Variants in MYT1L observed in about 807,000 individuals in gnomAD.
MYT1L encodes the protein myelin transcription factor 1 like, also known as myelin transcription factor 1-like protein.
Under a neutral mutation model 126.7 loss-of-function variants are expected in MYT1L, and 12 were observed. The ratio of observed to expected loss-of-function variants is 0.09; its 90% confidence interval spans 0.06 to 0.15. MYT1L has a LOEUF of 0.15. MYT1L is among the 10% of genes least tolerant of loss of function. The probability of loss-of-function intolerance (pLI) is 1.00; values close to 1 mark genes in which losing one functional copy is unlikely to be tolerated. For missense variants in MYT1L, 979 were observed against 1,585.2 expected (o/e 0.62, Z 6.49); for synonymous variants, 541 against 604.2 (o/e 0.90, Z 1.53).
At chr2:2,039,549 T>C (rs1357031689) in intron 4 of MYT1L, among the ~76,000 whole-genome samples, 1 of 152,204 alleles carries the variant, frequency 6.6e-6, no homozygotes, top group South Asian at 2.1e-4. Context: ...GGTGAATTTA[T>C]GAAGGTGAAA....
chr2:2,289,082 G>A (rs866670033), intron 1 of MYT1L, among the ~76,000 whole-genome samples: 1 of 152,126 alleles, frequency 6.6e-6, no homozygotes, highest in Non-Finnish European at 1.5e-5. Flanking sequence ...ACCAAACGGA[G>A]CCCACGATGA....
At chr2:2,265,618 A>C (rs1263795483) in intron 2 of MYT1L, among the ~76,000 whole-genome samples, 1 of 152,064 alleles carries the variant, frequency 6.6e-6, no homozygotes, top group Non-Finnish European at 1.5e-5. Context: ...CATGGGAAGA[A>C]CTTCATTGTT....
intron 1 of MYT1L, among the ~76,000 whole-genome samples, chr2:2,296,711 C>A (rs919068234): frequency 2.0e-5 from 3 of 152,170 alleles, no homozygotes; most frequent in Non-Finnish European, 4.4e-5. Context: ...ACGGGTGCCA[C>A]CTCCTGCTGC....
chr2:2,221,267 G>T (rs568399143), intron 2 of MYT1L, among the ~76,000 whole-genome samples: 4 of 152,246 alleles, frequency 2.6e-5, no homozygotes, highest in African/African-American at 9.6e-5. Context: ...CATAGATTTA[G>T]TCTGGGCACC....
At chr2:2,213,802 A>C (rs1227715024) in intron 2 of MYT1L, among the ~76,000 whole-genome samples, 1 of 152,190 alleles carries the variant, frequency 6.6e-6, no homozygotes, top group Non-Finnish European at 1.5e-5. Flanking sequence ...TAAAATTTAC[A>C]ATGTCTGGGA....
In MYT1L at chr2:2,074,384, G is replaced by A. The variant is rs117913132; in HGVS notation, c.-303-20261C>T. ...GGCTGCCTTAACACATCCACTGTGA[G>A]TCTGAGCTTAGTGTGACACACATTA... On this transcript the variant is annotated intron_variant, in intron 3 of 24. Coordinates refer to ENST00000647738, the MANE Select transcript of MYT1L (RefSeq NM_001303052.2). 1.3e-3 allele frequency among the ~76,000 whole-genome samples: 202 copies of A among 152,320 alleles called. 4 individuals are homozygous for A. The East Asian group carries it at 0.03, about 23-fold the overall frequency.
intron 4 of MYT1L, among the ~76,000 whole-genome samples, chr2:2,004,001 GCA>G (rs2062734172): frequency 7.3e-6 from 1 of 136,454 alleles, no homozygotes; most frequent in South Asian, 2.2e-4. Flanking sequence ...GTTCTTTCCT[GCA>G]TGCCTTCTTT....
At chr2:2,012,369 G>A (rs1054333218) in intron 4 of MYT1L, among the ~76,000 whole-genome samples, 20 of 152,176 alleles carry the variant, frequency 1.3e-4, no homozygotes, top group Admixed American at 1.0e-3. Context: ...AGTCTCACAC[G>A]GCCACGTCTA....
At chr2:2,096,669 T>C (rs1303837942) in intron 3 of MYT1L, among the ~76,000 whole-genome samples, 1 of 152,180 alleles carries the variant, frequency 6.6e-6, no homozygotes, top group Non-Finnish European at 1.5e-5. Flanking sequence ...TCTGCTTTTG[T>C]TCCTTTCAGG....
chr2:2,103,212 C>T (rs958214749), intron 3 of MYT1L, among the ~76,000 whole-genome samples: 1 of 152,146 alleles, frequency 6.6e-6, no homozygotes. Context: ...AGCAATGAAA[C>T]AAATATACTT....
At chr2:1,876,886 T>C (rs2046976881) in intron 18 of MYT1L, among the ~76,000 whole-genome samples, 1 of 152,190 alleles carries the variant, frequency 6.6e-6, no homozygotes, top group African/African-American at 2.4e-5. Context: ...GCTGGGACTA[T>C]GTGTCCGCCG....
At chr2:2,089,515 GA>G (rs1278093338) in intron 3 of MYT1L, among the ~76,000 whole-genome samples, 1 of 152,200 alleles carries the variant, frequency 6.6e-6, no homozygotes. Context: ...TGAGAGGTGG[GA>G]TCTAGAGAGG....
chr2:2,209,845 A>G (rs2093442531), intron 2 of MYT1L, among the ~76,000 whole-genome samples: 1 of 152,028 alleles, frequency 6.6e-6, no homozygotes, highest in Non-Finnish European at 1.5e-5. Flanking sequence ...TGCTAGTTCT[A>G]TGTTTAGTAG....
At chr2:2,104,761 C>T (rs182869079) in intron 3 of MYT1L, among the ~76,000 whole-genome samples, 1 of 152,348 alleles carries the variant, frequency 6.6e-6, no homozygotes, top group Admixed American at 6.5e-5. Flanking sequence ...ATCCTTCTCT[C>T]AGGCACTGGG....
intron 2 of MYT1L, among the ~76,000 whole-genome samples, chr2:2,183,223 A>C (rs1229973438): frequency 6.6e-6 from 1 of 152,196 alleles, no homozygotes; most frequent in Non-Finnish European, 1.5e-5. Context: ...AGTAGTGAAG[A>C]GCCAGGTTGC....
intron 8 of MYT1L, among the ~76,000 whole-genome samples, chr2:1,951,466 G>C (rs891030701): frequency 2.0e-5 from 3 of 152,136 alleles, no homozygotes; most frequent in African/African-American, 7.2e-5. Context: ...GCTAGCCCAG[G>C]AGACACAACC....
chr2:2,317,938 A>C (rs2096094663), intron 1 of MYT1L, among the ~76,000 whole-genome samples: 1 of 152,176 alleles, frequency 6.6e-6, no homozygotes, highest in Non-Finnish European at 1.5e-5. Context: ...ATAAGGGCCC[A>C]AGCCACATGC....
chr2:2,304,461 A>G (rs1192500358), intron 1 of MYT1L, among the ~76,000 whole-genome samples: 1 of 152,238 alleles, frequency 6.6e-6, no homozygotes, highest in Non-Finnish European at 1.5e-5. Context: ...TCTATAGTCC[A>G]CACCAAGTGT....
intron 8 of MYT1L, among the ~76,000 whole-genome samples, chr2:1,953,730 CT>C (rs2058091513): frequency 6.6e-6 from 1 of 152,222 alleles, no homozygotes; most frequent in Non-Finnish European, 1.5e-5. Context: ...AGTGGATTGA[CT>C]GGTCTGCCAG....
Sources: gnomAD v4.1 joint callset for allele counts (sites outside exome capture counted in the v4.1 genomes callset) on GRCh38, gnomAD v4.1.1 for gene constraint, MANE v1.5 for transcripts, NCBI Gene and HGNC (gene_info 2026-07-23, HGNC 2026-07-21) for gene names.